BICRA: variants seen among roughly 807,000 people sequenced by gnomAD.
BICRA encodes the protein BRD4 interacting chromatin remodeling complex associated protein, also known as BRD4-interacting chromatin-remodeling complex-associated protein.
BICRA carries 31 observed loss-of-function variants against 96.9 expected under a neutral mutation model. That is an observed-to-expected ratio of 0.32 (90% CI 0.24 to 0.43). The LOEUF is 0.43. BICRA is among the 20% of genes least tolerant of loss of function. The probability of loss-of-function intolerance (pLI) is 1.00; values close to 1 mark genes in which losing one functional copy is unlikely to be tolerated. For synonymous variants in BICRA, 1,350 were observed against 1,071.8 expected (o/e 1.26, Z -5.07); for missense variants, 2,283 against 2,190.3 (o/e 1.04, Z -0.84).
intron 4 of BICRA, among the ~76,000 whole-genome samples, chr19:47,674,882 T>A (rs992068006): frequency 2.6e-5 from 4 of 152,168 alleles, no homozygotes; most frequent in Admixed American, 1.3e-4. Flanking sequence ...CCCATCACAC[T>A]GTATTCACTA....
At chr19:47,656,023 C>T (rs921161514) in intron 1 of BICRA, among the ~76,000 whole-genome samples, 7 of 149,332 alleles carry the variant, frequency 4.7e-5, no homozygotes, top group African/African-American at 1.7e-4. Flanking sequence ...TCGCTTGAAC[C>T]CAGGAGGTCG....
intron 1 of BICRA, among the ~76,000 whole-genome samples, chr19:47,628,861 G>A (rs1972178328): frequency 6.6e-6 from 1 of 152,030 alleles, no homozygotes; most frequent in South Asian, 2.1e-4. Context: ...TCCTGCCTCG[G>A]CCTCCCAAAG....
At position 47,699,418 on chromosome 19, in the gene BICRA, A is replaced by G; in HGVS notation, c.3595+13A>G. ...AAGGAGAAGCCGGGTGAGAGGGGGG[A>G]GTGAGAGGGGAGGGGAGGGAGAGGT... On this transcript the variant is annotated intron_variant, in intron 14 of 14. Coordinates refer to ENST00000594866, the MANE Select transcript of BICRA (RefSeq NM_001394372.1). The surrounding 1 kb of genome is among the most constrained non-coding windows in gnomAD (Gnocchi z 5.0). 1.5e-6 allele frequency: 2 copies of G among 1,359,714 alleles called. No homozygotes were observed. The highest frequency in any genetic ancestry group is 2.1e-6 in the Non-Finnish European group (2 of 971,856). 84.2% of individuals were successfully genotyped at this position (1,359,714 alleles called of 1,614,324 possible). A position where few individuals can be genotyped will look rare whatever the true frequency, so the allele number is the denominator to read the frequency against.
At chr19:47,641,141 C>T (rs546592360) in intron 1 of BICRA, among the ~76,000 whole-genome samples, 4 of 139,806 alleles carry the variant, frequency 2.9e-5, no homozygotes, top group Admixed American at 7.7e-5. Context: ...AGGATGGTCT[C>T]GGTCTCCTGA....
intron 1 of BICRA, among the ~76,000 whole-genome samples, chr19:47,658,662 A>C (rs778142048): frequency 2.0e-5 from 3 of 149,620 alleles, no homozygotes; most frequent in Non-Finnish European, 3.0e-5. Context: ...AAGCAGCAGC[A>C]GCTTCTAGAA....
At position 47,698,580 on chromosome 19, in the gene BICRA, C is replaced by CAACCCT; in HGVS notation, c.3249-53_3249-52insACCCTA. The CAACCCT allele has an allele frequency of 3.9e-6, 3 of 773,718 alleles. No homozygotes were observed. The highest frequency in any genetic ancestry group is 4.7e-6 in the Non-Finnish European group (2 of 429,016). The allele number at this position is 773,718 out of a possible 1,614,324, so 47.9% of individuals were successfully genotyped here. A position where few individuals can be genotyped will look rare whatever the true frequency, so the allele number is the denominator to read the frequency against. On this transcript the variant is annotated intron_variant, in intron 11 of 14. Coordinates refer to ENST00000594866, the MANE Select transcript of BICRA (RefSeq NM_001394372.1). The surrounding 1 kb of genome is among the most constrained non-coding windows in gnomAD (Gnocchi z 4.8). The stretch of plus-strand genomic sequence containing the variant: ...GGGTTCAGGGACTTCCCCTGGCCCT[C>CAACCCT]ACCCGTCCCCCCCACCCTCCGCCGT...
At chr19:47,643,921 T>G (rs1038841710) in intron 1 of BICRA, among the ~76,000 whole-genome samples, 6 of 152,152 alleles carry the variant, frequency 3.9e-5, no homozygotes, top group Non-Finnish European at 5.9e-5. Flanking sequence ...ACCTAGAAAC[T>G]GAGGAACAGA....
chr19:47,673,668 C>A, intron 3 of BICRA, 52 bp from the exon 4 acceptor site: 2 of 1,565,930 alleles, frequency 1.3e-6, no homozygotes, highest in Non-Finnish European at 1.8e-6. Context: ...CCTCCCTTCC[C>A]TCCCCTCCCC....
At position 47,681,071 on chromosome 19, in the gene BICRA, C is replaced by T. The variant is rs1973044922; in HGVS notation, c.1901C>T (p.Pro634Leu). The T allele has an allele frequency of 6.9e-7, 1 of 1,440,516 alleles. No individual in the cohort carries two copies. Among genetic ancestry groups the T allele is most frequent in the Non-Finnish European group, 9.1e-7 (1 of 1,096,308 alleles). The allele number at this position is 1,440,516 out of a possible 1,614,324, so 89.2% of individuals were successfully genotyped here. A position where few individuals can be genotyped will look rare whatever the true frequency, so the allele number is the denominator to read the frequency against. Residue 634 changes from proline to leucine, a missense_variant, in exon 6 of 15, where the codon CCC becomes CTC. By Grantham distance (98) the Pro-to-Leu change is moderately conservative. Transcript: ENST00000594866. ...APQAPPAVST[P>L]LPLGLQQPQA... ...CAGGCGCCCCCCGCGGTCAGCACAC[C>T]CCTGCCCCTGGGCCTCCAGCAGCCG...
intron 5 of BICRA, among the ~76,000 whole-genome samples, chr19:47,678,701 A>G (rs1328902960): frequency 6.6e-6 from 1 of 151,788 alleles, no homozygotes; most frequent in African/African-American, 2.4e-5. Flanking sequence ...AAGTGCTAAG[A>G]TTACAGGCGT....
At chr19:47,678,237 T>C (rs2123582832) in intron 5 of BICRA, among the ~76,000 whole-genome samples, 1 of 152,248 alleles carries the variant, frequency 6.6e-6, no homozygotes, top group South Asian at 2.1e-4. Flanking sequence ...TGCCTCAGCC[T>C]CCCGAGTAGC....
At chr19:47,635,361 C>T (rs939334447) in intron 1 of BICRA, among the ~76,000 whole-genome samples, 3 of 152,004 alleles carry the variant, frequency 2.0e-5, no homozygotes, top group African/African-American at 7.3e-5. Context: ...GATCCTCCCA[C>T]CTCACTCTAT....
chr19:47,701,645 C>A lies in BICRA; in HGVS notation c.3913C>A (p.Arg1305Ser). ...CATCAAGACCTACGAGGCCCGGAGC[C>A]GCATCGGGCTCAAGCTCAAGATCAA... ...PPIKTYEARS[R>S]IGLKLKIKQE... The change falls in exon 15 of 15, where the codon CGC becomes AGC. Residue 1305 changes from arginine to serine, a missense_variant. Physicochemically the swap from Arg to Ser is moderately radical, Grantham distance 110 (BLOSUM62 -1). Coordinates refer to ENST00000594866, the MANE Select transcript of BICRA (RefSeq NM_001394372.1). This position sits in a 1 kb window ranked among gnomAD's most constrained non-coding sequence, Gnocchi z 5.4. The A allele has an allele frequency of 6.3e-7, 1 of 1,594,514 alleles. No individual in the cohort carries two copies. The highest frequency in any genetic ancestry group is 8.5e-7 in the Non-Finnish European group (1 of 1,171,818).
rs1973399219 is a variant in BICRA at position 47,699,134 on chromosome 19, G to A, written c.3492+75G>A. 8.8e-7 allele frequency: 1 copy of A among 1,140,000 alleles called. No individual in the cohort carries two copies. Among genetic ancestry groups the A allele is most frequent in the African/African-American group, 1.5e-5 (1 of 65,156 alleles). 70.6% of individuals were successfully genotyped at this position (1,140,000 alleles called of 1,614,324 possible). ...ACTGCCCCTTTCCCTCACCCGCTCTGGGCAAGGTGGAGCCTCCCGCCCCTC... is the reference window on the plus strand; with the variant it reads ...ACTGCCCCTTTCCCTCACCCGCTCTAGGCAAGGTGGAGCCTCCCGCCCCTC... On this transcript the variant is annotated intron_variant, in intron 13 of 14. Coordinates refer to ENST00000594866, the MANE Select transcript of BICRA (RefSeq NM_001394372.1). The surrounding 1 kb of genome is among the most constrained non-coding windows in gnomAD (Gnocchi z 5.0).
At chr19:47,631,259 A>C (rs919419219) in intron 1 of BICRA, among the ~76,000 whole-genome samples, 3 of 151,628 alleles carry the variant, frequency 2.0e-5, no homozygotes, top group Non-Finnish European at 4.4e-5. Flanking sequence ...ACTGAGTCAT[A>C]CTCTGTCACC....
intron 1 of BICRA, among the ~76,000 whole-genome samples, chr19:47,666,970 A>C (rs1972788038): frequency 6.6e-6 from 1 of 151,918 alleles, no homozygotes; most frequent in Admixed American, 6.6e-5. Flanking sequence ...CACCTTGGTC[A>C]CAACACGGAC....
Position 47,698,972 on chromosome 19 carries a change from G to C in BICRA, c.3405G>C (p.Glu1135Asp). The stretch of plus-strand genomic sequence containing the variant: ...CTCTTCCCTTCCTCGCAGTGGACGA[G>C]GAGTTTGAGACGGTCTCCACGCAGC... ...PSPSDYHKVD[E>D]EFETVSTQLL... Residue 1135 changes from glutamate (E) to aspartate (D), a missense_variant, in exon 13 of 15, where the codon GAG (glutamate) becomes GAC (aspartate). Physicochemically the swap from Glu to Asp is conservative, Grantham distance 45. Coordinates refer to ENST00000594866, the MANE Select transcript of BICRA (RefSeq NM_001394372.1). This position sits in a 1 kb window ranked among gnomAD's most constrained non-coding sequence, Gnocchi z 4.8. The C allele has an allele frequency of 6.3e-7, 1 of 1,581,628 alleles. No homozygotes were observed. Among genetic ancestry groups the C allele is most frequent in the Non-Finnish European group, 8.6e-7 (1 of 1,164,128 alleles).
chr19:47,653,015 CTTTT>C (rs869230602), intron 1 of BICRA, among the ~76,000 whole-genome samples: 2 of 113,724 alleles, frequency 1.8e-5, no homozygotes, highest in Non-Finnish European at 3.5e-5. Flanking sequence ...CGTCCTCATT[CTTTT>C]TTTTTTTTTT....
At chr19:47,660,713 G>A (rs1046232525) in intron 1 of BICRA, among the ~76,000 whole-genome samples, 1 of 152,148 alleles carries the variant, frequency 6.6e-6, no homozygotes, top group Non-Finnish European at 1.5e-5. Flanking sequence ...CCCCTGCTGT[G>A]GGGGGTGGAG....
Sources: gnomAD v4.1 joint callset for allele counts (sites outside exome capture counted in the v4.1 genomes callset) on GRCh38, gnomAD v4.1.1 for gene constraint, Gnocchi (gnomAD v3.1) non-coding constraint, MANE v1.5 for transcripts, NCBI Gene and HGNC (gene_info 2026-07-23, HGNC 2026-07-21) for gene names.